Variants in GTF2E2 observed in about 807,000 individuals in gnomAD.
GTF2E2 encodes transcription initiation factor IIE subunit beta.
Under a neutral mutation model 40.5 loss-of-function variants are expected in GTF2E2, and 21 were observed. The ratio of observed to expected loss-of-function variants is 0.52; its 90% CI spans 0.37 to 0.75. The LOEUF (loss-of-function observed/expected upper bound fraction) is 0.75. Ranked by LOEUF, GTF2E2 falls within the 30% of genes least tolerant of loss-of-function variation. The probability of loss-of-function intolerance (pLI) is 0.00; values close to 1 mark genes in which losing one functional copy is unlikely to be tolerated. For missense variants in GTF2E2, 298 were observed against 338.4 expected (o/e 0.88, Z 0.94); for synonymous variants, 117 against 121.6 (o/e 0.96, Z 0.25).
chr8:30,619,755 C>G (rs966056453), intron 3 of GTF2E2, among the ~76,000 whole-genome samples: 1 of 151,930 alleles, frequency 6.6e-6, no homozygotes, highest in Non-Finnish European at 1.5e-5. Flanking sequence ...ATCAGTGTCA[C>G]AATTTTCTAA....
chr8:30,580,884 G>A (rs1374062417), intron 6 of GTF2E2, among the ~76,000 whole-genome samples: 1 of 152,142 alleles, frequency 6.6e-6, no homozygotes, highest in Non-Finnish European at 1.5e-5. Flanking sequence ...GGTAACTGGT[G>A]ACTAAGGAGG....
At chr8:30,634,909 T>C (rs553409558) in intron 3 of GTF2E2, 123 bp downstream of exon 3, 2 of 607,020 alleles carry the variant, frequency 3.3e-6, no homozygotes, top group African/African-American at 1.9e-5. Flanking sequence ...AAACTGCACA[T>C]ACTGAAAATG....
intron 1 of GTF2E2, among the ~76,000 whole-genome samples, chr8:30,656,162 T>C (rs1186540208): frequency 8.5e-5 from 13 of 152,208 alleles, no homozygotes; most frequent in Non-Finnish European, 1.5e-5. Flanking sequence ...ACAAGGCCTC[T>C]ACATTCAATT....
At position 30,635,056 on chromosome 8, in the gene GTF2E2, A is replaced by C. The variant is rs1288777458; in HGVS notation, c.234T>G (p.Leu78=). ...CCTTCATGTAATTCACAATCTTAGCAAGAACACCAAACTTATATCCAGAGC... is the reference window on the plus strand; with the variant it reads ...CCTTCATGTAATTCACAATCTTAGCCAGAACACCAAACTTATATCCAGAGC... ...SGSSGYKFGV[L]AKIVNYMKTR... is the part of the protein sequence containing the mutation. Residue 78 remains leucine (L), a synonymous_variant, in exon 3 of 8, where the codon CTT becomes CTG. Transcript: ENST00000355904. 14 of 1,601,410 alleles carry C rather than the reference A, an allele frequency of 8.7e-6. No homozygotes were observed. Among genetic ancestry groups the C allele is most frequent in the Non-Finnish European group, 1.2e-5 (14 of 1,169,480 alleles).
chr8:30,645,147 A>G (rs1802019775), intron 2 of GTF2E2: 1 of 799,854 alleles, frequency 1.3e-6, no homozygotes, highest in Admixed American at 3.0e-5. Flanking sequence ...AAAAAAATTC[A>G]AAACTACCAT....
At chr8:30,635,255 G>A in intron 2 of GTF2E2, 132 bp from the exon 3 acceptor site, 13 of 519,282 alleles carry the variant, frequency 2.5e-5, no homozygotes, top group South Asian at 1.7e-4. Flanking sequence ...GTAATATTCT[G>A]GTGAAAAATA....
intron 3 of GTF2E2, among the ~76,000 whole-genome samples, chr8:30,616,691 A>T (rs1271568583): frequency 5.3e-5 from 8 of 152,094 alleles, no homozygotes; most frequent in Admixed American, 4.6e-4. Flanking sequence ...GACTGTCACA[A>T]ATGTACTCTT....
chr8:30,604,113 G>T, intron 6 of GTF2E2, among the ~76,000 whole-genome samples: 1 of 151,818 alleles, frequency 6.6e-6, no homozygotes, highest in East Asian at 1.9e-4. Flanking sequence ...TAAGGAATGA[G>T]GGGGGGAGAG....
intron 6 of GTF2E2, among the ~76,000 whole-genome samples, chr8:30,594,742 C>T (rs184005513): frequency 1.3e-5 from 2 of 151,680 alleles, no homozygotes; most frequent in East Asian, 3.9e-4. Context: ...CCTGTAATCC[C>T]AGCTACTGGG....
At chr8:30,608,065 G>T (rs761763985) in intron 5 of GTF2E2, among the ~76,000 whole-genome samples, 15 of 152,102 alleles carry the variant, frequency 9.9e-5, no homozygotes, top group Admixed American at 1.3e-4. Context: ...AAAAAATTTT[G>T]TATTTTCTAC....
chr8:30,594,818 C>T (rs547694920), intron 6 of GTF2E2, among the ~76,000 whole-genome samples: 1 of 150,890 alleles, frequency 6.6e-6, no homozygotes, highest in Non-Finnish European at 1.5e-5. Flanking sequence ...GATCACACCA[C>T]TGCACTCCAG....
chr8:30,618,668 C>A (rs1800996781), intron 3 of GTF2E2, among the ~76,000 whole-genome samples: 6 of 152,124 alleles, frequency 3.9e-5, no homozygotes, highest in Admixed American at 2.6e-4. Context: ...TGTTTCAAAT[C>A]TGCTCAATAT....
intron 3 of GTF2E2, 29 bp downstream of exon 3, chr8:30,635,003 G>A (rs898581582): frequency 4.1e-6 from 5 of 1,220,932 alleles, no homozygotes; most frequent in Non-Finnish European, 6.0e-6. Context: ...AGTTAAATAG[G>A]ACTTTTGCTA....
chr8:30,580,788 T>A (rs1828495475), intron 6 of GTF2E2, among the ~76,000 whole-genome samples: 2 of 152,168 alleles, frequency 1.3e-5, no homozygotes, highest in Admixed American at 1.3e-4. Flanking sequence ...AAGAAACGTG[T>A]AGGGAGACGG....
At chr8:30,615,777 A>G (rs1399454714) in intron 3 of GTF2E2, among the ~76,000 whole-genome samples, 1 of 152,198 alleles carries the variant, frequency 6.6e-6, no homozygotes, top group African/African-American at 2.4e-5. Context: ...TTACAACACT[A>G]AACACACTCT....
At chr8:30,599,189 T>C (rs937490899) in intron 6 of GTF2E2, among the ~76,000 whole-genome samples, 2 of 152,176 alleles carry the variant, frequency 1.3e-5, no homozygotes, top group South Asian at 2.1e-4. Context: ...TTCAAAAATA[T>C]GTCTATCTTT....
In GTF2E2 at chr8:30,658,137, T is replaced by TGGCGGTGGCGGCGGC. The variant is rs1315106860; in HGVS notation, c.-184_-170dup. 2 of 179,698 alleles carry TGGCGGTGGCGGCGGC rather than the reference T, an allele frequency of 1.1e-5. No individual in the cohort carries two copies. Among genetic ancestry groups the TGGCGGTGGCGGCGGC allele is most frequent in the Non-Finnish European group, 2.2e-5 (2 of 89,130 alleles). The allele number at this position is 179,698 out of a possible 1,614,324, so 11.1% of individuals were successfully genotyped here. On this transcript the variant is annotated 5_prime_UTR_variant, in exon 1 of 8. Transcript: ENST00000355904. ...ACCCGCCAGGTCGGGGTCTCACCACTGGCGGTGGCGGCGGCGGCGGCGGCA... is the reference window on the plus strand; with the variant it reads ...ACCCGCCAGGTCGGGGTCTCACCACTGGCGGTGGCGGCGGCGGCGGTGGCGGCGGCGGCGGCGGCA...
At chr8:30,631,708 A>C (rs897934682) in intron 3 of GTF2E2, among the ~76,000 whole-genome samples, 5 of 152,242 alleles carry the variant, frequency 3.3e-5, no homozygotes, top group African/African-American at 1.2e-4. Flanking sequence ...TTAATTACCC[A>C]AATAAAAATG....
At chr8:30,618,794 CT>C (rs891473437) in intron 3 of GTF2E2, among the ~76,000 whole-genome samples, 1 of 152,022 alleles carries the variant, frequency 6.6e-6, no homozygotes, top group African/African-American at 2.4e-5. Flanking sequence ...AAAGTAGCTG[CT>C]TTTTGAAATA....
Sources: gnomAD v4.1 joint callset for allele counts (sites outside exome capture counted in the v4.1 genomes callset) on GRCh38, gnomAD v4.1.1 for gene constraint, MANE v1.5 for transcripts, NCBI Gene and HGNC (gene_info 2026-07-23, HGNC 2026-07-21) for gene names.